MAP4K2: variants seen among roughly 807,000 people sequenced by gnomAD.
MAP4K2 encodes B lymphocyte serine/threonine protein kinase.
MAP4K2 carries 85 observed loss-of-function variants against 125.3 expected under a neutral mutation model. That is an observed-to-expected ratio of 0.68 (90% CI 0.57 to 0.81). The LOEUF is 0.81. MAP4K2 is among the 40% of genes least tolerant of loss of function. The pLI is 0.00. For synonymous variants in MAP4K2, 479 were observed against 445.1 expected (o/e 1.08, Z -0.96); for missense variants, 923 against 1,056.4 (o/e 0.87, Z 1.75).
chr11:64,802,981 C>A, intron 1 of MAP4K2, 39 bp from the exon 2 acceptor site: 1 of 1,557,222 alleles, frequency 6.4e-7, no homozygotes. Flanking sequence ...GGGGGCGGGG[C>A]CGGGGGCTAG....
At chr11:64,802,033 C>T (rs1222872821) in intron 5 of MAP4K2, 33 bp downstream of exon 5, 1 of 1,602,782 alleles carries the variant, frequency 6.2e-7, no homozygotes, top group Non-Finnish European at 8.5e-7. Flanking sequence ...CTTCTGGAGA[C>T]CAGAGGTGTG....
chr11:64,791,073 T>C (rs1940447253), intron 27 of MAP4K2, among the ~76,000 whole-genome samples: 1 of 152,098 alleles, frequency 6.6e-6, no homozygotes, highest in Admixed American at 6.5e-5. Flanking sequence ...GAGGCAGAGG[T>C]TGCAGTGAGC....
chr11:64,802,601 G>T lies in MAP4K2; in HGVS notation c.207C>A (p.Arg69=). The change falls in exon 3 of 32, where the codon CGC becomes CGA. Residue 69 remains arginine, a synonymous_variant. Coordinates refer to ENST00000294066, the MANE Select transcript of MAP4K2 (RefSeq NM_004579.5). Reference sequence around the variant, plus strand: ...CAATGTAGGCCACCACATTGGGGTGGCGGCACTCACGCAGGATGGTGATTT... The same window carrying T: ...CAATGTAGGCCACCACATTGGGGTGTCGGCACTCACGCAGGATGGTGATTT... ...QQEITILREC[R]HPNVVAYIGS... 1 of 1,612,326 alleles carries T rather than the reference G, an allele frequency of 6.2e-7. No individual in the cohort carries two copies. Among genetic ancestry groups the T allele is most frequent in the Non-Finnish European group, 8.5e-7 (1 of 1,179,380 alleles).
In MAP4K2 at chr11:64,785,102, C is replaced by T. The variant is rs1940176276; in HGVS notation, c.*4435G>A. The T allele has an allele frequency of 6.6e-6, 1 of 152,180 alleles. No individual in the cohort carries two copies. The highest frequency in any genetic ancestry group is 1.5e-5 in the Non-Finnish European group (1 of 68,032). 9.4% of individuals were successfully genotyped at this position (152,180 alleles called of 1,614,324 possible). On this transcript the variant is annotated 3_prime_UTR_variant, in exon 32 of 32. Coordinates refer to ENST00000294066, the MANE Select transcript of MAP4K2 (RefSeq NM_004579.5). The stretch of plus-strand genomic sequence containing the variant: ...TCGCAAATCCTTATGCTCAGCTAAG[C>T]AAGAAGCCAGACAAAACACAAGTAC...
rs1403082490 is a variant in MAP4K2, at chr11:64,800,834, G to C, written c.663-8C>G. 1 of 1,613,062 alleles carries C rather than the reference G, an allele frequency of 6.2e-7. No individual in the cohort carries two copies. The highest frequency in any genetic ancestry group is 1.1e-5 in the South Asian group (1 of 90,994). Reference sequence around the variant, plus strand: ...GACATGAGCATCAGGGCCCTGTGGAGGGCGCGAGGTCAGGGGCCACAGGCC... The same window carrying C: ...GACATGAGCATCAGGGCCCTGTGGACGGCGCGAGGTCAGGGGCCACAGGCC... On this transcript the variant is annotated splice_region_variant and splice_polypyrimidine_tract_variant and intron_variant, in intron 9 of 31. Coordinates refer to ENST00000294066, the MANE Select transcript of MAP4K2 (RefSeq NM_004579.5).
chr11:64,802,938 C>T lies in MAP4K2; in HGVS notation c.101G>A (p.Arg34His), dbSNP rs751055021. The T allele has an allele frequency of 9.5e-6, 15 of 1,580,934 alleles. No individual in the cohort carries two copies. The Admixed American group carries it at 2.3e-4, about 24-fold the overall frequency. The change falls in exon 2 of 32, where the codon CGC becomes CAC. Residue 34 changes from arginine to histidine, a missense_variant. Physicochemically the swap from Arg to His is conservative, Grantham distance 29. Coordinates refer to ENST00000294066, the MANE Select transcript of MAP4K2 (RefSeq NM_004579.5). The stretch of plus-strand genomic sequence containing the variant: ...GGCCAGTTCGGACGTGACCGTGTCG[C>T]GGGCCTGCAGGGGCGGAGGGTGAAG... Reference protein sequence around the residue: ...AGTYGDVYKARDTVTSELAAV... With the variant: ...AGTYGDVYKAHDTVTSELAAV...
intron 24 of MAP4K2, among the ~76,000 whole-genome samples, chr11:64,793,800 G>A (rs1311902480): frequency 6.6e-6 from 1 of 152,226 alleles, no homozygotes; most frequent in Admixed American, 6.5e-5. Flanking sequence ...AGTGCTCACT[G>A]TGCCTCTGCC....
At chr11:64,796,014 A>G (rs1458418215) in intron 24 of MAP4K2, among the ~76,000 whole-genome samples, 1 of 152,232 alleles carries the variant, frequency 6.6e-6, no homozygotes, top group Non-Finnish European at 1.5e-5. Context: ...ACGTTTGCTT[A>G]ACTGTCAAGC....
At chr11:64,798,764 C>T in intron 15 of MAP4K2, 30 bp downstream of exon 15, 3 of 1,612,722 alleles carry the variant, frequency 1.9e-6, no homozygotes, top group Non-Finnish European at 2.5e-6. Context: ...GCCCCTGCCA[C>T]CCCCTGCAGC....
chr11:64,789,213 T>G lies in MAP4K2; in HGVS notation c.*324A>C, dbSNP rs1284520683. 4 of 406,136 alleles carry G rather than the reference T, an allele frequency of 9.8e-6. No homozygotes were observed. Among genetic ancestry groups the G allele is most frequent in the Non-Finnish European group, 1.8e-5 (4 of 219,016 alleles). The allele number at this position is 406,136 out of a possible 1,614,324, so 25.2% of individuals were successfully genotyped here. On this transcript the variant is annotated 3_prime_UTR_variant, in exon 32 of 32. Transcript: ENST00000294066. Reference sequence around the variant, plus strand: ...TCCCAGGACAAATGCAGGGGCAGGCTCTTGGCAGAAAGAGTAGAAAGGAAA... The same window carrying G: ...TCCCAGGACAAATGCAGGGGCAGGCGCTTGGCAGAAAGAGTAGAAAGGAAA...
rs138670275 is a variant in MAP4K2 at position 64,789,579 on chromosome 11, G to A, written c.2421C>T (p.His807=). 246 of 1,603,318 alleles carry A rather than the reference G, an allele frequency of 1.5e-4. 3 individuals carry two copies. The African/African-American group carries it at 2.6e-3, about 17-fold the overall frequency. ...GGCCCGTGAGGATGTAGAGGTTGCT[G>A]TGCGCCTCTGGGTTGTCAGTGGGAA... ...ESIPTDNPEA[H]SNLYILTGHQ... The change falls in exon 32 of 32, where the codon CAC becomes CAT. Residue 807 remains histidine (H), a synonymous_variant. Transcript: ENST00000294066.
chr11:64,797,264 C>G lies in MAP4K2; in HGVS notation c.1276+11G>C. 1 of 1,599,890 alleles carries G rather than the reference C, an allele frequency of 6.3e-7. No homozygotes were observed. The highest frequency in any genetic ancestry group is 1.3e-5 in the African/African-American group (1 of 74,774). ...GGGGCTGCCTCCTGGCCTCCCAAGCCTGAGACTCACCTGGGGGACTGGACA... is the reference window on the plus strand; with the variant it reads ...GGGGCTGCCTCCTGGCCTCCCAAGCGTGAGACTCACCTGGGGGACTGGACA... On this transcript the variant is annotated intron_variant, in intron 18 of 31. Transcript: ENST00000294066.
At chr11:64,799,731 G>A in intron 12 of MAP4K2, 48 bp from the exon 13 acceptor site, 1 of 1,510,892 alleles carries the variant, frequency 6.6e-7, no homozygotes, top group South Asian at 1.1e-5. Context: ...CGCGCCTCAT[G>A]CCGGGGCTGC....
At chr11:64,802,186 G>C in intron 4 of MAP4K2, 65 bp from the exon 5 acceptor site, 1 of 1,452,946 alleles carries the variant, frequency 6.9e-7, no homozygotes, top group Admixed American at 1.8e-5. Flanking sequence ...CCAGGCTACC[G>C]TGTGTGGGAA....
rs772201205 is a variant in MAP4K2, at chr11:64,803,065, C to A, written c.85G>T (p.Asp29Tyr). ...LQRVGAGTYG[D>Y]VYKARDTVTS... The stretch of plus-strand genomic sequence containing the variant: ...CCGTCCCGTCGCACCTTGTAGACGT[C>A]GCCATAGGTCCCGGCCCCCACGCGC... Residue 29 changes from aspartate to tyrosine, a missense_variant, in exon 1 of 32, where the codon GAC becomes TAC. Asp to Tyr is a radical substitution (Grantham distance 160). Transcript: ENST00000294066. 154 of 1,604,022 alleles carry A rather than the reference C, an allele frequency of 9.6e-5. 1 individual carries two copies. Among genetic ancestry groups the A allele is most frequent in the Non-Finnish European group, 1.2e-4 (138 of 1,178,240 alleles).
Position 64,801,582 on chromosome 11 carries a change from G to A in MAP4K2, c.454C>T (p.Leu152=). 6.2e-7 allele frequency: 1 copy of A among 1,614,040 alleles called. No individual in the cohort carries two copies. The highest frequency in any genetic ancestry group is 8.5e-7 in the Non-Finnish European group (1 of 1,179,944). ...LLLTLQGDVK[L]ADFGVSGELT... Reference sequence around the variant, plus strand: ...ATGGTGTCCCCAGGGTACTGACCCAGTTTGACATCTCCCTGGAGAGTGAGG... The same window carrying A: ...ATGGTGTCCCCAGGGTACTGACCCAATTTGACATCTCCCTGGAGAGTGAGG... Residue 152 remains leucine (L), a synonymous_variant, in exon 7 of 32, where the codon CTG becomes TTG. Coordinates refer to ENST00000294066, the MANE Select transcript of MAP4K2 (RefSeq NM_004579.5).
rs376252984 is a variant in MAP4K2 at position 64,797,251 on chromosome 11, T to A, written c.1276+24A>T. On this transcript the variant is annotated intron_variant, in intron 18 of 31. Coordinates refer to ENST00000294066, the MANE Select transcript of MAP4K2 (RefSeq NM_004579.5). ...TAGCCCCCACCCTGGGGCTGCCTCC[T>A]GGCCTCCCAAGCCTGAGACTCACCT... The A allele has an allele frequency of 1.9e-6, 3 of 1,600,376 alleles. No individual in the cohort carries two copies. In the African/African-American group the frequency reaches 4.0e-5, roughly 21 times the overall value.
intron 24 of MAP4K2, among the ~76,000 whole-genome samples, chr11:64,795,999 A>C (rs984033219): frequency 6.6e-6 from 1 of 152,260 alleles, no homozygotes; most frequent in African/African-American, 2.4e-5. Context: ...ATAAGTGCTC[A>C]GTAAACGTTT....
intron 1 of MAP4K2, 43 bp downstream of exon 1, chr11:64,803,011 G>C: frequency 6.3e-7 from 1 of 1,582,504 alleles, no homozygotes; most frequent in South Asian, 1.1e-5. Flanking sequence ...CGGGGTGCGG[G>C]GCTGGCACCC....
Sources: gnomAD v4.1 joint callset for allele counts (sites outside exome capture counted in the v4.1 genomes callset) on GRCh38, gnomAD v4.1.1 for gene constraint, MANE v1.5 for transcripts, NCBI Gene and HGNC (gene_info 2026-07-23, HGNC 2026-07-21) for gene names.